The following ZFPM2 variants were observed in gnomAD, a reference collection of about 807,000 sequenced individuals.
The protein encoded by ZFPM2 is zinc finger protein, FOG family member 2.
Under a neutral mutation model 98.6 loss-of-function variants are expected in ZFPM2, and 20 were observed. The ratio of observed to expected loss-of-function variants is 0.20; its 90% CI spans 0.14 to 0.29. The LOEUF is 0.29. ZFPM2 is among the 10% of genes least tolerant of loss of function. The pLI, the probability that ZFPM2 is intolerant of heterozygous loss-of-function variation, is 1.00. For missense variants in ZFPM2, 1,310 were observed against 1,388.6 expected (o/e 0.94, Z 0.90); for synonymous variants, 518 against 502.7 (o/e 1.03, Z -0.41).
chr8:105,700,515 T>G (rs1287716834), intron 5 of ZFPM2, among the ~76,000 whole-genome samples: 1 of 152,144 alleles, frequency 6.6e-6, no homozygotes, highest in East Asian at 1.9e-4. Context: ...ATTTTAAAGC[T>G]GCTTATTTTA....
chr8:105,411,335 C>T (rs1811573633), intron 1 of ZFPM2, among the ~76,000 whole-genome samples: 1 of 151,734 alleles, frequency 6.6e-6, no homozygotes, highest in Non-Finnish European at 1.5e-5. Context: ...TGCCACCAGT[C>T]TCATATCTTG....
At chr8:105,425,033 A>G (rs1479036518) in intron 2 of ZFPM2, among the ~76,000 whole-genome samples, 1 of 151,954 alleles carries the variant, frequency 6.6e-6, no homozygotes, top group Non-Finnish European at 1.5e-5. Context: ...ATGAGCTTCC[A>G]GTACTGAGTC....
At chr8:105,525,744 T>G (rs1814161125) in intron 3 of ZFPM2, among the ~76,000 whole-genome samples, 1 of 152,180 alleles carries the variant, frequency 6.6e-6, no homozygotes, top group African/African-American at 2.4e-5. Context: ...ATATAAAATA[T>G]ATGTCCCAGT....
rs1204794436 is a variant in ZFPM2, at chr8:105,603,171, C to T, written c.421-31075C>T. ...CAAAGGGATTCCATACCAAAAGGTG[C>T]CTCAGCTTTGGTTACCTCACATAAA... On this transcript the variant is annotated intron_variant, in intron 4 of 7. Transcript: ENST00000407775. 3.3e-5 allele frequency among the ~76,000 whole-genome samples: 5 copies of T among 152,146 alleles called. No individual in the cohort carries two copies. In the East Asian group the frequency reaches 9.7e-4, roughly 29 times the overall value.
chr8:105,509,069 G>C (rs759967777), intron 3 of ZFPM2, among the ~76,000 whole-genome samples: 1 of 152,072 alleles, frequency 6.6e-6, no homozygotes, highest in Non-Finnish European at 1.5e-5. Flanking sequence ...TACTTTGAAA[G>C]GCCTATATAT....
intron 1 of ZFPM2, among the ~76,000 whole-genome samples, chr8:105,328,017 C>T (rs1196908289): frequency 6.6e-6 from 1 of 151,676 alleles, no homozygotes; most frequent in East Asian, 1.9e-4. Flanking sequence ...CCTGTGAATT[C>T]AGTGCGAATC....
chr8:105,788,493 CT>C, intron 5 of ZFPM2, among the ~76,000 whole-genome samples: 1 of 152,234 alleles, frequency 6.6e-6, no homozygotes, highest in Non-Finnish European at 1.5e-5. Flanking sequence ...GTACTTGATT[CT>C]TAGTCTCCTC....
intron 5 of ZFPM2, among the ~76,000 whole-genome samples, chr8:105,753,406 G>A (rs1221565204): frequency 6.6e-6 from 1 of 152,072 alleles, no homozygotes; most frequent in Non-Finnish European, 1.5e-5. Context: ...AACCAGAAAT[G>A]TGATAATTGA....
chr8:105,510,397 TG>T (rs1425112942), intron 3 of ZFPM2, among the ~76,000 whole-genome samples: 6 of 80,280 alleles, frequency 7.5e-5, no homozygotes, highest in African/African-American at 3.1e-4. Flanking sequence ...GGTCTGTGCA[TG>T]TTTTTTTTTT....
At chr8:105,752,566 A>C (rs1465132570) in intron 5 of ZFPM2, among the ~76,000 whole-genome samples, 1 of 152,200 alleles carries the variant, frequency 6.6e-6, no homozygotes, top group Admixed American at 6.5e-5. Context: ...TTGTCAACGT[A>C]GAACACTTAA....
chr8:105,627,164 A>G (rs1816674493), intron 4 of ZFPM2, among the ~76,000 whole-genome samples: 1 of 152,148 alleles, frequency 6.6e-6, no homozygotes, highest in South Asian at 2.1e-4. Flanking sequence ...GACTATAAAC[A>G]TTTATTGAAG....
At chr8:105,711,344 A>G (rs528838276) in intron 5 of ZFPM2, among the ~76,000 whole-genome samples, 1 of 152,096 alleles carries the variant, frequency 6.6e-6, no homozygotes, top group African/African-American at 2.4e-5. Flanking sequence ...TCATTTCCCA[A>G]TGCATAGTTT....
At chr8:105,758,934 C>G (rs1771745885) in intron 5 of ZFPM2, among the ~76,000 whole-genome samples, 1 of 152,028 alleles carries the variant, frequency 6.6e-6, no homozygotes, top group Non-Finnish European at 1.5e-5. Flanking sequence ...TAACAAGCAT[C>G]TATTTAGATC....
At position 105,593,215 on chromosome 8, in the gene ZFPM2, G is replaced by T. The variant is rs78730888; in HGVS notation, c.420+31734G>T. Among the ~76,000 whole-genome samples, 218 of 152,180 alleles carry T rather than the reference G, an allele frequency of 1.4e-3. 2 individuals carry two copies. The East Asian group carries it at 0.03, about 21-fold the overall frequency. On this transcript the variant is annotated intron_variant, in intron 4 of 7. Transcript: ENST00000407775. ...GAGTGTATATGTACACATAAATTAT[G>T]AGGTTCAGGGAGCCCAGGAATGTAT...
At chr8:105,584,215 G>A (rs1815663968) in intron 4 of ZFPM2, among the ~76,000 whole-genome samples, 1 of 152,072 alleles carries the variant, frequency 6.6e-6, no homozygotes, top group African/African-American at 2.4e-5. Context: ...CATAATTGTA[G>A]TAATTAAATG....
intron 5 of ZFPM2, among the ~76,000 whole-genome samples, chr8:105,651,492 C>T (rs1416026832): frequency 1.3e-5 from 2 of 151,458 alleles, no homozygotes; most frequent in Non-Finnish European, 2.9e-5. Context: ...TCCCACCTGT[C>T]CCTTGCTTGC....
At chr8:105,705,453 A>G (rs557749497) in intron 5 of ZFPM2, among the ~76,000 whole-genome samples, 7 of 152,260 alleles carry the variant, frequency 4.6e-5, no homozygotes, top group African/African-American at 1.7e-4. Flanking sequence ...TTCTCATTCT[A>G]CCTATCAGGG....
chr8:105,676,683 T>A (rs1810476941), intron 5 of ZFPM2, among the ~76,000 whole-genome samples: 1 of 151,772 alleles, frequency 6.6e-6, no homozygotes, highest in African/African-American at 2.4e-5. Context: ...TACCAAAATA[T>A]CTGAATGGAC....
chr8:105,462,090 T>G (rs1348976501), intron 3 of ZFPM2, among the ~76,000 whole-genome samples: 1 of 152,214 alleles, frequency 6.6e-6, no homozygotes, highest in Non-Finnish European at 1.5e-5. Flanking sequence ...TTATTAAGTT[T>G]AATTTATGTT....
Sources: allele counts gnomAD v4.1 joint callset (sites outside exome capture counted in the v4.1 genomes callset), GRCh38; gene constraint gnomAD v4.1.1; transcripts MANE v1.5; gene names NCBI Gene and HGNC (gene_info 2026-07-23, HGNC 2026-07-21).